DOCK5: variants seen among roughly 807,000 people sequenced by gnomAD.
The protein encoded by DOCK5 is dedicator of cytokinesis 5.
A neutral mutation model predicts 251.8 loss-of-function variants in DOCK5; 142 were observed. The ratio of observed to expected loss-of-function variants is 0.56; its 90% CI spans 0.49 to 0.65. The LOEUF is 0.65. Among genes scored for constraint, DOCK5 ranks in the 30% least tolerant of loss-of-function variants. DOCK5 has a pLI of 0.00. For synonymous variants in DOCK5, 842 were observed against 835.5 expected (o/e 1.01, Z -0.13); for missense variants, 2,111 against 2,312.3 (o/e 0.91, Z 1.79).
At chr8:25,338,084 C>T (rs570831745) in intron 22 of DOCK5, among the ~76,000 whole-genome samples, 1 of 151,982 alleles carries the variant, frequency 6.6e-6, no homozygotes, top group Non-Finnish European at 1.5e-5. Context: ...GGCTCTGTCA[C>T]CCAGGCGAGA....
intron 1 of DOCK5, among the ~76,000 whole-genome samples, chr8:25,225,775 G>A (rs542540277): frequency 8.6e-5 from 13 of 151,910 alleles, no homozygotes; most frequent in African/African-American, 3.1e-4. Context: ...GTTATGCTAA[G>A]TGAAATAAGC....
Position 25,308,790 on chromosome 8 carries a change from A to G in DOCK5, c.1057A>G (p.Met353Val). ...TTATTTCTCTTTCCCAAGAATTGCG[A>G]TGGAAACCTACATCCGCCAGAGGCA... ...QHFIPFQQIA[M>V]ETYIRQRQLI... is the part of the protein sequence containing the mutation. Residue 353 changes from methionine to valine, a missense_variant, in exon 12 of 52, where the codon ATG becomes GTG. Physicochemically the swap from Met to Val is conservative, Grantham distance 21. Coordinates refer to ENST00000276440, the MANE Select transcript of DOCK5 (RefSeq NM_024940.8). 2.5e-6 allele frequency: 4 copies of G among 1,613,764 alleles called. No homozygotes were observed. Among genetic ancestry groups the G allele is most frequent in the Admixed American group, 1.7e-5 (1 of 60,008 alleles).
intron 13 of DOCK5, among the ~76,000 whole-genome samples, chr8:25,316,579 A>G (rs1289843710): frequency 6.6e-6 from 1 of 152,236 alleles, no homozygotes; most frequent in African/African-American, 2.4e-5. Context: ...CGATTACATT[A>G]ATACATATAA....
chr8:25,304,203 T>C (rs987618146), intron 10 of DOCK5, 52 bp from the exon 11 acceptor site: 4 of 1,454,090 alleles, frequency 2.8e-6, no homozygotes, highest in Non-Finnish European at 2.8e-6. Context: ...CATAGTAACT[T>C]ACTGAGGCAT....
At chr8:25,227,738 T>C (rs1802567568) in intron 1 of DOCK5, among the ~76,000 whole-genome samples, 1 of 152,242 alleles carries the variant, frequency 6.6e-6, no homozygotes, top group Admixed American at 6.5e-5. Flanking sequence ...TTTGTATGTC[T>C]CATTGTGTTT....
chr8:25,210,045 T>TATATATAAAAAA (rs1563309191), intron 1 of DOCK5, among the ~76,000 whole-genome samples: 1 of 20,650 alleles, frequency 4.8e-5, no homozygotes, highest in African/African-American at 2.3e-4. Flanking sequence ...AATGTGTGTG[T>TATATATAAAAAA]GTGTGTGTGT....
Position 25,389,146 on chromosome 8 carries a change from T to A in DOCK5, c.4187T>A (p.Leu1396Gln). Residue 1396 changes from leucine to glutamine, a missense_variant, in exon 41 of 52, where the codon CTG (leucine) becomes CAG (glutamine). By Grantham distance (113) the Leu-to-Gln change is moderately radical (BLOSUM62 -2). Transcript: ENST00000276440. ...KEYERREDFS[L>Q]RLLTQFPNAE... is the part of the protein sequence containing the mutation. ...TATGAGAGGCGAGAGGACTTCAGCC[T>A]GAGGTTGTTAACCCAGTTCCCCAAT... 1 of 1,614,022 alleles carries A rather than the reference T, an allele frequency of 6.2e-7. No homozygotes were observed. Among genetic ancestry groups the A allele is most frequent in the Non-Finnish European group, 8.5e-7 (1 of 1,179,878 alleles).
Position 25,184,785 on chromosome 8 carries a change from C to T in DOCK5, c.-124C>T. On this transcript the variant is annotated 5_prime_UTR_variant, in exon 1 of 52. Transcript: ENST00000276440. ...CGGCGAGGAGGCGGCCCGCGGAGTCCAGCGAAGTTTGGCGGAACATGGCGG... is the reference window on the plus strand; with the variant it reads ...CGGCGAGGAGGCGGCCCGCGGAGTCTAGCGAAGTTTGGCGGAACATGGCGG... 1.1e-6 allele frequency: 1 copy of T among 950,228 alleles called. No homozygotes were observed. The highest frequency in any genetic ancestry group is 1.4e-6 in the Non-Finnish European group (1 of 734,628). The allele number at this position is 950,228 out of a possible 1,614,324, so 58.9% of individuals were successfully genotyped here.
intron 1 of DOCK5, among the ~76,000 whole-genome samples, chr8:25,231,027 T>G (rs1313343953): frequency 6.6e-6 from 1 of 152,192 alleles, no homozygotes; most frequent in South Asian, 2.1e-4. Flanking sequence ...CCACCCTGGA[T>G]GTAAACATAC....
Position 25,332,358 on chromosome 8 carries a change from T to C in DOCK5, c.2001+10T>C. On this transcript the variant is annotated intron_variant, in intron 19 of 51. Transcript: ENST00000276440. ...AGGAGAGATTGTTAAGGTATGTTTA[T>C]ATATTCATAGTTAGAAATACACATA... 1.2e-6 allele frequency: 2 copies of C among 1,602,822 alleles called. No individual in the cohort carries two copies. The highest frequency in any genetic ancestry group is 1.7e-6 in the Non-Finnish European group (2 of 1,170,228).
At chr8:25,329,985 G>T (rs930292126) in intron 18 of DOCK5, among the ~76,000 whole-genome samples, 4 of 152,200 alleles carry the variant, frequency 2.6e-5, no homozygotes, top group Non-Finnish European at 5.9e-5. Flanking sequence ...TCCTATGTGA[G>T]CAGTGATCTG....
intron 2 of DOCK5, among the ~76,000 whole-genome samples, chr8:25,256,638 C>CAAAAAAA (rs891243325): frequency 4.1e-5 from 2 of 48,940 alleles, no homozygotes; most frequent in Non-Finnish European, 8.8e-5. Context: ...ATCTCCATCT[C>CAAAAAAA]AAAAAAAAAA....
At position 25,298,927 on chromosome 8, in the gene DOCK5, G is replaced by T; in HGVS notation, c.607-17G>T. ...TGCCAAAATCAAGATGTTTTTCTCTGTTCCCTCTTTGTTCAGTCAATCCTG... is the reference window on the plus strand; with the variant it reads ...TGCCAAAATCAAGATGTTTTTCTCTTTTCCCTCTTTGTTCAGTCAATCCTG... On this transcript the variant is annotated splice_polypyrimidine_tract_variant and intron_variant, in intron 7 of 51. Coordinates refer to ENST00000276440, the MANE Select transcript of DOCK5 (RefSeq NM_024940.8). 6.3e-7 allele frequency: 1 copy of T among 1,578,534 alleles called. No homozygotes were observed. The highest frequency in any genetic ancestry group is 8.6e-7 in the Non-Finnish European group (1 of 1,165,276).
chr8:25,318,732 C>A (rs1805337395), intron 14 of DOCK5, among the ~76,000 whole-genome samples: 1 of 151,738 alleles, frequency 6.6e-6, no homozygotes, highest in Non-Finnish European at 1.5e-5. Flanking sequence ...TGCATGGCCT[C>A]TGCTGAACTC....
At chr8:25,274,713 G>GAGTGCATTTGGTTT (rs1803998486) in intron 3 of DOCK5, among the ~76,000 whole-genome samples, 4 of 152,110 alleles carry the variant, frequency 2.6e-5, no homozygotes, top group Admixed American at 2.6e-4. Context: ...GGTTTAAGTG[G>GAGTGCATTTGGTTT]GAGTGCTGAG....
At chr8:25,203,372 A>G (rs1197143499) in intron 1 of DOCK5, among the ~76,000 whole-genome samples, 4 of 152,190 alleles carry the variant, frequency 2.6e-5, no homozygotes. Flanking sequence ...TTGTTTTCAA[A>G]TTGTTTGATA....
At chr8:25,402,373 T>C (rs1801453609) in intron 47 of DOCK5, among the ~76,000 whole-genome samples, 1 of 152,128 alleles carries the variant, frequency 6.6e-6, no homozygotes, top group Non-Finnish European at 1.5e-5. Context: ...CTCAGCTCAC[T>C]GCAAGCTCTG....
intron 39 of DOCK5, 106 bp from the exon 40 acceptor site, chr8:25,382,568 C>T (rs2117304413): frequency 1.1e-6 from 1 of 891,552 alleles, no homozygotes; most frequent in East Asian, 2.7e-5. Context: ...AAAGACCTTT[C>T]ATTGCTCTGG....
chr8:25,222,522 G>A (rs769521148), intron 1 of DOCK5, among the ~76,000 whole-genome samples: 1 of 152,138 alleles, frequency 6.6e-6, no homozygotes, highest in Non-Finnish European at 1.5e-5. Flanking sequence ...TGTTTCACAG[G>A]AGTTCCATGA....
Sources: gnomAD v4.1 joint callset for allele counts (sites outside exome capture counted in the v4.1 genomes callset) on GRCh38, gnomAD v4.1.1 for gene constraint, MANE v1.5 for transcripts, NCBI Gene and HGNC (gene_info 2026-07-23, HGNC 2026-07-21) for gene names.